The following RPGRIP1L variants were observed in gnomAD, a reference collection of about 807,000 sequenced individuals.
The protein encoded by RPGRIP1L is RPGRIP1 like, also known as protein fantom.
A neutral mutation model predicts 160.4 loss-of-function variants in RPGRIP1L; 131 were observed. That is an observed-to-expected ratio of 0.82 (90% CI 0.71 to 0.94). RPGRIP1L has a LOEUF of 0.94. RPGRIP1L is among the 40% of genes least tolerant of loss of function. The pLI is 0.00. For synonymous variants in RPGRIP1L, 510 were observed against 515.8 expected (o/e 0.99, Z 0.15); for missense variants, 1,522 against 1,535.8 (o/e 0.99, Z 0.15).
intron 3 of RPGRIP1L, 29 bp from the exon 4 acceptor site, chr16:53,692,393 A>C (rs1161967156): frequency 1.3e-6 from 2 of 1,598,312 alleles, no homozygotes; most frequent in Non-Finnish European, 1.7e-6. Context: ...GATGAAAAGG[A>C]ATGTGAGAAG....
At chr16:53,615,699 C>T (rs1598230795) in intron 24 of RPGRIP1L, among the ~76,000 whole-genome samples, 1 of 151,788 alleles carries the variant, frequency 6.6e-6, no homozygotes, top group Non-Finnish European at 1.5e-5. Flanking sequence ...GTCTCAAACT[C>T]ATGATCTGCC....
chr16:53,646,541 G>A (rs1041320249), intron 16 of RPGRIP1L, among the ~76,000 whole-genome samples: 3 of 152,150 alleles, frequency 2.0e-5, no homozygotes, highest in African/African-American at 7.2e-5. Context: ...AGCCAGGACC[G>A]GGAGGATACT....
At chr16:53,675,845 G>A (rs546804576) in intron 6 of RPGRIP1L, among the ~76,000 whole-genome samples, 13 of 151,988 alleles carry the variant, frequency 8.6e-5, no homozygotes, top group African/African-American at 2.9e-4. Context: ...TCTTGTTAAA[G>A]GTTAATCATA....
rs1463685734 is a variant in RPGRIP1L at position 53,599,491 on chromosome 16, A to G, written c.*2585T>C. ...ATACATGTAAAATACACTCTCCCAC[A>G]TACCACATCACATCTCTATTTGTAT... On this transcript the variant is annotated 3_prime_UTR_variant, in exon 27 of 27. Transcript: ENST00000647211. The G allele has an allele frequency of 1.3e-5, 2 of 152,268 alleles. No homozygotes were observed. The highest frequency in any genetic ancestry group is 2.9e-5 in the Non-Finnish European group (2 of 68,048). 9.4% of individuals were successfully genotyped at this position (152,268 alleles called of 1,614,324 possible).
chr16:53,687,019 T>G (rs1282112836), intron 5 of RPGRIP1L, among the ~76,000 whole-genome samples: 1 of 152,178 alleles, frequency 6.6e-6, no homozygotes, highest in African/African-American at 2.4e-5. Context: ...CTCTATCATG[T>G]CTGGCAGCAT....
chr16:53,647,239 C>A (rs776847700), intron 16 of RPGRIP1L, among the ~76,000 whole-genome samples: 1 of 152,288 alleles, frequency 6.6e-6, no homozygotes, highest in South Asian at 2.1e-4. Flanking sequence ...ATATTAGTCA[C>A]GCTTCTTTAA....
chr16:53,631,566 C>T (rs1485805293), intron 22 of RPGRIP1L, among the ~76,000 whole-genome samples: 1 of 152,100 alleles, frequency 6.6e-6, no homozygotes, highest in African/African-American at 2.4e-5. Flanking sequence ...AATGCCATGG[C>T]AGATGCAAAT....
chr16:53,664,830 A>T (rs1968098497), intron 10 of RPGRIP1L, 40 bp downstream of exon 10: 1 of 1,599,086 alleles, frequency 6.3e-7, no homozygotes, highest in Admixed American at 1.7e-5. Flanking sequence ...GAAACATTAG[A>T]TGTCTGAAAT....
At chr16:53,618,971 C>T in intron 24 of RPGRIP1L, 54 bp downstream of exon 24, 2 of 1,392,832 alleles carry the variant, frequency 1.4e-6, no homozygotes, top group African/African-American at 2.8e-5. Context: ...CCACTTCTTT[C>T]ATAAATAAAA....
chr16:53,606,481 A>C (rs1387331468), intron 25 of RPGRIP1L, among the ~76,000 whole-genome samples: 1 of 152,224 alleles, frequency 6.6e-6, no homozygotes, highest in Non-Finnish European at 1.5e-5. Flanking sequence ...GCCTTGAAAA[A>C]CACAAATAAA....
chr16:53,625,591 G>A (rs1965088403), intron 22 of RPGRIP1L, among the ~76,000 whole-genome samples: 1 of 151,244 alleles, frequency 6.6e-6, no homozygotes, highest in Non-Finnish European at 1.5e-5. Context: ...CAGCCGCCAT[G>A]TCTGGGAAGT....
chr16:53,668,661 CACTA>C lies in RPGRIP1L; in HGVS notation c.1103+2845_1103+2848del, dbSNP rs200907953. On this transcript the variant is annotated intron_variant, in intron 9 of 26. Transcript: ENST00000647211. Reference sequence around the variant, plus strand: ...GCATTTATCAGTTACATGGCCCCAACACTAACTAACTTCAAAAGTGAAGCACAGC... The same window carrying C: ...GCATTTATCAGTTACATGGCCCCAACACTAACTTCAAAAGTGAAGCACAGC... Among the ~76,000 whole-genome samples the C allele has an allele frequency of 3.7e-4, 57 of 152,234 alleles. No homozygotes were observed. The East Asian group carries it at 9.2e-3, about 25-fold the overall frequency.
intron 22 of RPGRIP1L, among the ~76,000 whole-genome samples, chr16:53,624,426 G>T (rs562609743): frequency 1.3e-5 from 2 of 151,978 alleles, no homozygotes; most frequent in South Asian, 2.1e-4. Flanking sequence ...GGTGGCACGC[G>T]CCTGGTACTC....
intron 26 of RPGRIP1L, among the ~76,000 whole-genome samples, chr16:53,605,199 CT>C (rs1156358834): frequency 6.6e-6 from 1 of 151,770 alleles, no homozygotes; most frequent in Non-Finnish European, 1.5e-5. Context: ...CAATGGCCAA[CT>C]TTTTTTCACG....
At chr16:53,657,259 A>AC (rs1439553125) in intron 13 of RPGRIP1L, among the ~76,000 whole-genome samples, 194 bp downstream of exon 13, 30 of 151,852 alleles carry the variant, frequency 2.0e-4, no homozygotes, top group African/African-American at 7.3e-4. Flanking sequence ...AACCAAAAAA[A>AC]CCCCACATTA....
At chr16:53,625,078 C>T (rs1248033455) in intron 22 of RPGRIP1L, among the ~76,000 whole-genome samples, 2 of 152,174 alleles carry the variant, frequency 1.3e-5, no homozygotes, top group Admixed American at 6.5e-5. Context: ...CAATGTTGCC[C>T]AGGCTGGAGT....
At chr16:53,648,613 T>C (rs948618529) in intron 16 of RPGRIP1L, among the ~76,000 whole-genome samples, 112 of 133,234 alleles carry the variant, frequency 8.4e-4, no homozygotes, top group Admixed American at 4.9e-3. Context: ...CGTACGCGCG[T>C]GCGCGCGCGC....
At chr16:53,658,698 T>C (rs1431166458) in intron 11 of RPGRIP1L, 74 bp downstream of exon 11, 1 of 1,015,540 alleles carries the variant, frequency 9.8e-7, no homozygotes, top group Non-Finnish European at 1.5e-6. Flanking sequence ...CTTTGTAGTA[T>C]AGTGCTTTCT....
chr16:53,699,584 T>C (rs528074727), intron 2 of RPGRIP1L, among the ~76,000 whole-genome samples: 8 of 152,230 alleles, frequency 5.3e-5, no homozygotes, highest in African/African-American at 1.9e-4. Flanking sequence ...GTTATTTGTA[T>C]AATACTTGAT....
Sources: allele counts gnomAD v4.1 joint callset (sites outside exome capture counted in the v4.1 genomes callset), GRCh38; gene constraint gnomAD v4.1.1; transcripts MANE v1.5; gene names NCBI Gene and HGNC (gene_info 2026-07-23, HGNC 2026-07-21).